BCAS3: variants seen among roughly 807,000 people sequenced by gnomAD.
BCAS3 encodes the protein BCAS3 microtubule associated cell migration factor.
Under a neutral mutation model 116.1 loss-of-function variants are expected in BCAS3, and 53 were observed. That is an observed-to-expected ratio of 0.46 (90% CI 0.37 to 0.57). The LOEUF (loss-of-function observed/expected upper bound fraction) is 0.57. Ranked by LOEUF, BCAS3 falls within the 20% of genes least tolerant of loss-of-function variation. The pLI is 0.00. For missense variants in BCAS3, 917 were observed against 1,165.4 expected, an observed-to-expected ratio of 0.79 and a Z score of 3.10; for synonymous variants, 391 against 408.2, an observed-to-expected ratio of 0.96 and a Z score of 0.51.
intron 6 of BCAS3, among the ~76,000 whole-genome samples, chr17:60,791,674 C>T (rs188402821): frequency 6.6e-6 from 1 of 152,240 alleles, no homozygotes; most frequent in Admixed American, 6.5e-5. Context: ...CTTTTTATCA[C>T]CCAGCCTAAG....
chr17:61,181,364 A>G lies in BCAS3; in HGVS notation c.2425+96800A>G, dbSNP rs556671147. ...TTAATCAGATCAGAGCAAAGTATGG[A>G]GTTGCCATGAAATAATTCTGATAGC... On this transcript the variant is annotated intron_variant, in intron 22 of 23. Coordinates refer to ENST00000407086, the MANE Select transcript of BCAS3 (RefSeq NM_017679.5). The surrounding 1 kb of genome is among the most constrained non-coding windows in gnomAD (Gnocchi z 5.0). 2.0e-5 allele frequency among the ~76,000 whole-genome samples: 3 copies of G among 152,330 alleles called. No homozygotes were observed. The East Asian group carries it at 5.8e-4, about 29-fold the overall frequency.
chr17:60,897,198 C>T (rs1257170068), intron 10 of BCAS3, among the ~76,000 whole-genome samples: 5 of 152,160 alleles, frequency 3.3e-5, no homozygotes, highest in African/African-American at 1.2e-4. Flanking sequence ...TCTTGACTGA[C>T]ATACTTTTTT....
intron 22 of BCAS3, among the ~76,000 whole-genome samples, chr17:61,351,894 C>T (rs772095032): frequency 6.6e-6 from 1 of 152,244 alleles, no homozygotes; most frequent in Non-Finnish European, 1.5e-5. Flanking sequence ...GGAGAGCCAT[C>T]TCCTACATCA....
Position 60,710,678 on chromosome 17 carries a change from G to T in BCAS3, c.321+1353G>T, listed in dbSNP as rs2643105. The stretch of plus-strand genomic sequence containing the variant: ...GATCTGCTGACCTCGTGATCCGCCC[G>T]CCTTGGCCTCCCAAAGTGCTGGGAT... On this transcript the variant is annotated intron_variant, in intron 5 of 23. Transcript: ENST00000407086. 5.5e-3 allele frequency among the ~76,000 whole-genome samples: 828 copies of T among 151,796 alleles called. 3 individuals carry two copies. Among genetic ancestry groups the T allele is most frequent in the African/African-American group, 0.019 (792 of 41,356 alleles).
chr17:60,929,371 T>C (rs2059521865), intron 13 of BCAS3, among the ~76,000 whole-genome samples: 1 of 152,104 alleles, frequency 6.6e-6, no homozygotes, highest in Admixed American at 6.5e-5. Flanking sequence ...AAGGCTGCAG[T>C]GAGCTCTGAT....
At chr17:60,842,429 A>T (rs1323335750) in intron 7 of BCAS3, among the ~76,000 whole-genome samples, 1 of 152,210 alleles carries the variant, frequency 6.6e-6, no homozygotes, top group Non-Finnish European at 1.5e-5. Context: ...CCTTATACTC[A>T]GGTTAACTTC....
chr17:61,280,144 C>A lies in BCAS3; in HGVS notation c.2426-88183C>A, dbSNP rs1470347217. 2.0e-5 allele frequency among the ~76,000 whole-genome samples: 3 copies of A among 152,256 alleles called. No individual in the cohort carries two copies. The East Asian group carries it at 5.8e-4, about 29-fold the overall frequency. On this transcript the variant is annotated intron_variant, in intron 22 of 23. Coordinates refer to ENST00000407086, the MANE Select transcript of BCAS3 (RefSeq NM_017679.5). ...TCCTTTATACTCGAAGACCCTGGTG[C>A]CCAGAGAGAGGAAGTATTATGCCAA...
chr17:60,714,651 A>T (rs914733769), intron 5 of BCAS3, among the ~76,000 whole-genome samples: 1 of 152,192 alleles, frequency 6.6e-6, no homozygotes, highest in African/African-American at 2.4e-5. Flanking sequence ...AGACTGTCTC[A>T]TAAAGACAAA....
At position 61,378,562 on chromosome 17, in the gene BCAS3, C is replaced by G. The variant is rs1417665409; in HGVS notation, c.2593+10068C>G. 6.6e-6 allele frequency: 1 copy of G among 152,252 alleles called. No individual in the cohort carries two copies. The highest frequency in any genetic ancestry group is 1.9e-4 in the East Asian group (1 of 5,196). The allele number at this position is 152,252 out of a possible 1,614,324, so 9.4% of individuals were successfully genotyped here. ...CCCATACTCCCACGAGTGTCTTGAC[C>G]CACTACTGGTTCTTTGAACTGAGTC... On this transcript the variant is annotated intron_variant, in intron 23 of 23. Transcript: ENST00000407086. The surrounding 1 kb of genome is among the most constrained non-coding windows in gnomAD (Gnocchi z 5.8).
rs1188463578 is a variant in BCAS3, at chr17:61,023,829, G to C, written c.1637+7928G>C. On this transcript the variant is annotated intron_variant, in intron 16 of 23. Coordinates refer to ENST00000407086, the MANE Select transcript of BCAS3 (RefSeq NM_017679.5). This position sits in a 1 kb window ranked among gnomAD's most constrained non-coding sequence, Gnocchi z 4.8. ...TCTTGACCAGATTTTCCTGAGATTT[G>C]AAAATCAGAATTCAGGTCAAAAAGG... Among the ~76,000 whole-genome samples the C allele has an allele frequency of 2.0e-5, 3 of 152,052 alleles. No individual in the cohort carries two copies. Among genetic ancestry groups the C allele is most frequent in the Admixed American group, 6.5e-5 (1 of 15,268 alleles).
intron 13 of BCAS3, 101 bp downstream of exon 13, chr17:60,924,601 G>A (rs1204971109): frequency 2.3e-6 from 2 of 862,244 alleles, no homozygotes; most frequent in Non-Finnish European, 3.6e-6. Context: ...TTTTCTTCAT[G>A]TATCAGTATA....
intron 4 of BCAS3, among the ~76,000 whole-genome samples, chr17:60,705,512 C>CA (rs1033436210): frequency 0.13 from 7,934 of 61,146 alleles, 605 homozygotes; most frequent in African/African-American, 0.28. Context: ...AGACTTGTCT[C>CA]AAAAAAAAAA....
chr17:60,729,775 T>A (rs2040275507), intron 5 of BCAS3, among the ~76,000 whole-genome samples: 1 of 152,232 alleles, frequency 6.6e-6, no homozygotes, highest in South Asian at 2.1e-4. Flanking sequence ...CACTGCTTTC[T>A]CTCTTCACTT....
chr17:61,103,016 G>C (rs962234532), intron 22 of BCAS3, among the ~76,000 whole-genome samples: 1 of 152,086 alleles, frequency 6.6e-6, no homozygotes, highest in African/African-American at 2.4e-5. Flanking sequence ...ATTCCTGGTT[G>C]AATCCCTATA....
chr17:60,891,050 G>GT (rs1041421189), intron 10 of BCAS3, among the ~76,000 whole-genome samples: 2 of 151,848 alleles, frequency 1.3e-5, no homozygotes, highest in Non-Finnish European at 2.9e-5. Context: ...ATTCCATTTT[G>GT]TTTTTTCTCT....
At position 61,082,735 on chromosome 17, in the gene BCAS3, C is replaced by T. The variant is rs2072731414; in HGVS notation, c.2328-1732C>T. ...CACATTAGCTTAGGCTTACCTATCC[C>T]CTAACTAACCACTGCCGAGATGTGA... On this transcript the variant is annotated intron_variant, in intron 21 of 23. Coordinates refer to ENST00000407086, the MANE Select transcript of BCAS3 (RefSeq NM_017679.5). This position sits in a 1 kb window ranked among gnomAD's most constrained non-coding sequence, Gnocchi z 5.1. 6.6e-6 allele frequency among the ~76,000 whole-genome samples: 1 copy of T among 152,178 alleles called. No homozygotes were observed. Among genetic ancestry groups the T allele is most frequent in the Non-Finnish European group, 1.5e-5 (1 of 68,032 alleles).
chr17:61,002,958 C>T (rs970197335), intron 15 of BCAS3, among the ~76,000 whole-genome samples: 1 of 151,854 alleles, frequency 6.6e-6, no homozygotes, highest in African/African-American at 2.4e-5. Context: ...GAAATACATG[C>T]ATTTATTATA....
Position 60,937,673 on chromosome 17 carries a change from T to A in BCAS3, c.1088-9546T>A, listed in dbSNP as rs80261891. ...TAGTCCTAACACATAAAGAATCTGC[T>A]TGATACAGATTGTTCTCCATGAAAT... is the stretch of plus-strand genomic sequence containing the variant. On this transcript the variant is annotated intron_variant, in intron 13 of 23. Transcript: ENST00000407086. Among the ~76,000 whole-genome samples, 109 of 152,362 alleles carry A rather than the reference T, an allele frequency of 7.2e-4. No homozygotes were observed. The East Asian group carries it at 0.017, about 24-fold the overall frequency.
At chr17:61,042,253 A>C (rs1326769734) in intron 19 of BCAS3, among the ~76,000 whole-genome samples, 2 of 152,232 alleles carry the variant, frequency 1.3e-5, no homozygotes, top group South Asian at 4.1e-4. Context: ...TTGTTGAATT[A>C]AGCATAGTTG....
Sources: gnomAD v4.1 joint callset for allele counts (sites outside exome capture counted in the v4.1 genomes callset) on GRCh38, gnomAD v4.1.1 for gene constraint, Gnocchi (gnomAD v3.1) non-coding constraint, MANE v1.5 for transcripts, NCBI Gene and HGNC (gene_info 2026-07-23, HGNC 2026-07-21) for gene names.